Variants in PDK1 observed in about 807,000 individuals in gnomAD.
The protein encoded by PDK1 is pyruvate dehydrogenase kinase 1.
In PDK1, 39 loss-of-function variants were observed where a neutral mutation model predicts 54.2. The observed-to-expected ratio is 0.72, with a 90% confidence interval of 0.56 to 0.94. The LOEUF (loss-of-function observed/expected upper bound fraction) is 0.94. Among genes scored for constraint, PDK1 ranks in the 40% least tolerant of loss-of-function variants. The pLI, the probability that PDK1 is intolerant of heterozygous loss-of-function variation, is 0.00. For missense variants in PDK1, 552 were observed against 566.0 expected (o/e 0.98, Z 0.25); for synonymous variants, 221 against 207.1 (o/e 1.07, Z -0.58).
At chr2:172,565,407 G>A (rs1277249602) in intron 5 of PDK1, among the ~76,000 whole-genome samples, 1 of 152,068 alleles carries the variant, frequency 6.6e-6, no homozygotes, top group Non-Finnish European at 1.5e-5. Flanking sequence ...GAGTTCAAGC[G>A]ATTGTCTTGC....
At chr2:172,629,731 A>C in the PDK1 span, among the ~76,000 whole-genome samples, 2 of 151,872 alleles carry the variant, frequency 1.3e-5, no homozygotes, top group East Asian at 1.9e-4. Flanking sequence ...ACACTGTAAC[A>C]CTCCCTCTGG....
the PDK1 span, among the ~76,000 whole-genome samples, chr2:172,709,500 G>A: frequency 6.6e-6 from 1 of 152,210 alleles, no homozygotes; most frequent in East Asian, 1.9e-4. Flanking sequence ...TGTCAGTCTT[G>A]AAGCTAATTC....
At chr2:172,655,867 C>T in the PDK1 span, among the ~76,000 whole-genome samples, 1 of 152,204 alleles carries the variant, frequency 6.6e-6, no homozygotes, top group Non-Finnish European at 1.5e-5. Flanking sequence ...GTCCAGCATC[C>T]TGGGAGAAGC....
At chr2:172,660,318 A>G in the PDK1 span, among the ~76,000 whole-genome samples, 1 of 119,150 alleles carries the variant, frequency 8.4e-6, no homozygotes, top group African/African-American at 3.3e-5. Context: ...GGGCAGTGGC[A>G]TGATCTCGGC....
At chr2:172,633,973 T>C in the PDK1 span, among the ~76,000 whole-genome samples, 1 of 145,938 alleles carries the variant, frequency 6.9e-6, no homozygotes, top group Non-Finnish European at 1.5e-5. Flanking sequence ...CCTCCTGGGT[T>C]CAAGCAATTC....
rs2149321028 is a variant in PDK1, at chr2:172,605,171, T to G, written c.*9202T>G. The G allele has an allele frequency of 6.6e-6, 1 of 152,338 alleles. No individual in the cohort carries two copies. Among genetic ancestry groups the G allele is most frequent in the East Asian group, 1.9e-4 (1 of 5,182 alleles). The allele number at this position is 152,338 out of a possible 1,614,324, so 9.4% of individuals were successfully genotyped here. ...CCATCCATTGGGTTGTGTCAGTCTT[T>G]TATTTCTAAGTGAGGATCCAGTCAA... On this transcript the variant is annotated 3_prime_UTR_variant, in exon 11 of 11. Coordinates refer to ENST00000282077, the MANE Select transcript of PDK1 (RefSeq NM_002610.5).
the PDK1 span, among the ~76,000 whole-genome samples, chr2:172,619,375 T>G: frequency 2.6e-5 from 4 of 152,140 alleles, no homozygotes; most frequent in African/African-American, 9.7e-5. Flanking sequence ...TTTCCATAGC[T>G]CAGTGGACCA....
At position 172,566,899 on chromosome 2, in the gene PDK1, T is replaced by G. The variant is rs753078285; in HGVS notation, c.735T>G (p.Ile245Met). 7.4e-6 allele frequency: 12 copies of G among 1,611,272 alleles called. No individual in the cohort carries two copies. The stretch of plus-strand genomic sequence containing the variant: ...GGCGTCTGTGTGATTTGTATTATAT[T>G]AACTCTCCCGAACTAGAACTTGAAG... ...NARRLCDLYY[I>M]NSPELELEEL... The change falls in exon 6 of 11, where the codon ATT becomes ATG. Residue 245 changes from isoleucine (I) to methionine (M), a missense_variant. Coordinates refer to ENST00000282077, the MANE Select transcript of PDK1 (RefSeq NM_002610.5).
At chr2:172,591,367 G>T (rs1426156366) in intron 9 of PDK1, among the ~76,000 whole-genome samples, 1 of 152,200 alleles carries the variant, frequency 6.6e-6, no homozygotes, top group Non-Finnish European at 1.5e-5. Context: ...TGACTGGTTA[G>T]TGTAAAAACA....
chr2:172,619,288 T>G, the PDK1 span, among the ~76,000 whole-genome samples: 1 of 152,324 alleles, frequency 6.6e-6, no homozygotes, highest in South Asian at 2.1e-4. Flanking sequence ...TCACCAGGGA[T>G]GCCCACATTC....
At chr2:172,682,806 T>C in the PDK1 span, among the ~76,000 whole-genome samples, 1 of 152,166 alleles carries the variant, frequency 6.6e-6, no homozygotes, top group Non-Finnish European at 1.5e-5. Context: ...GAGGCTGTTG[T>C]AATAGTCTAG....
At chr2:172,564,084 C>G (rs1296057262) in intron 3 of PDK1, 4 of 472,412 alleles carry the variant, frequency 8.5e-6, no homozygotes, top group Middle Eastern at 3.2e-4. Context: ...GCTTTATTGG[C>G]TCATTCATCT....
the PDK1 span, among the ~76,000 whole-genome samples, chr2:172,654,896 G>T: frequency 2.0e-5 from 3 of 152,106 alleles, no homozygotes; most frequent in African/African-American, 7.2e-5. Context: ...CCTAATAGCG[G>T]GCAGAGAAGA....
the PDK1 span, among the ~76,000 whole-genome samples, chr2:172,673,302 T>C: frequency 6.6e-6 from 1 of 152,168 alleles, no homozygotes; most frequent in Admixed American, 6.5e-5. Context: ...GCATGTTCAA[T>C]TGAGGCATTC....
At chr2:172,569,350 G>GAACT (rs1232715585) in intron 7 of PDK1, among the ~76,000 whole-genome samples, 4 of 152,242 alleles carry the variant, frequency 2.6e-5, no homozygotes, top group Admixed American at 2.6e-4. Context: ...GGTTTCTGCT[G>GAACT]TAATCTTTGC....
At chr2:172,562,199 T>C (rs751104684) in intron 2 of PDK1, 21 bp from the exon 3 acceptor site, 4 of 1,345,978 alleles carry the variant, frequency 3.0e-6, no homozygotes, top group East Asian at 2.3e-5. Context: ...AACAAACTTA[T>C]CCTATTGATC....
At chr2:172,614,646 C>T in the PDK1 span, among the ~76,000 whole-genome samples, 1 of 152,226 alleles carries the variant, frequency 6.6e-6, no homozygotes, top group African/African-American at 2.4e-5. Flanking sequence ...GCTGAACACC[C>T]AATGGGATAA....
chr2:172,616,387 A>G, the PDK1 span, among the ~76,000 whole-genome samples: 1 of 152,244 alleles, frequency 6.6e-6, no homozygotes, highest in Non-Finnish European at 1.5e-5. Flanking sequence ...AACTATAGCT[A>G]CACACATGGA....
chr2:172,685,948 A>G, the PDK1 span, among the ~76,000 whole-genome samples: 1 of 152,244 alleles, frequency 6.6e-6, no homozygotes, highest in East Asian at 1.9e-4. Context: ...TTTGTTCAAC[A>G]TACATCCTAT....
Sources: allele counts gnomAD v4.1 joint callset (sites outside exome capture counted in the v4.1 genomes callset), GRCh38; gene constraint gnomAD v4.1.1; transcripts MANE v1.5; gene names NCBI Gene and HGNC (gene_info 2026-07-23, HGNC 2026-07-21).